Variants in OLFM1 observed in about 807,000 individuals in gnomAD.
OLFM1 encodes the protein noelin.
OLFM1 carries 9 observed loss-of-function variants against 49.7 expected under a neutral mutation model. The ratio of observed to expected loss-of-function variants is 0.18; its 90% CI spans 0.11 to 0.32. The LOEUF (loss-of-function observed/expected upper bound fraction) is 0.32, where lower values mean the gene tolerates loss of function less well. OLFM1 is among the 10% of genes least tolerant of loss of function. The pLI is 1.00. For missense variants in OLFM1, 369 were observed against 661.8 expected (o/e 0.56, Z 4.85); for synonymous variants, 240 against 271.8 (o/e 0.88, Z 1.15).
upstream of OLFM1, among the ~76,000 whole-genome samples, chr9:135,083,093 C>T (rs1830552462): frequency 6.6e-6 from 1 of 152,228 alleles, no homozygotes; most frequent in Non-Finnish European, 1.5e-5. Flanking sequence ...ACTGATTCCA[C>T]AGAAACCGGG....
At chr9:135,082,918 G>T (rs78658470), upstream of OLFM1, among the ~76,000 whole-genome samples, 341 of 152,292 alleles carry the variant, frequency 2.2e-3, 13 homozygotes, top group South Asian at 0.047. Flanking sequence ...GCCGGGTGTC[G>T]TCTGGATGCA....
chr9:135,076,281 T>C, intron 1 of OLFM1: 1 of 1,550,118 alleles, frequency 6.5e-7, no homozygotes, highest in East Asian at 2.4e-5. Context: ...AAACAGGCGG[T>C]GGGGATTGTG....
intron 4 of OLFM1, among the ~76,000 whole-genome samples, chr9:135,103,056 TG>T (rs1830892321): frequency 6.6e-6 from 1 of 152,234 alleles, no homozygotes; most frequent in Non-Finnish European, 1.5e-5. Context: ...TGAGCCCGTC[TG>T]GGGCCGTCGG....
At chr9:135,089,002 G>A (rs549665095) in intron 1 of OLFM1, among the ~76,000 whole-genome samples, 1 of 152,324 alleles carries the variant, frequency 6.6e-6, no homozygotes, top group South Asian at 2.1e-4. Context: ...TGCCGGGAAG[G>A]CGCGCCCCAG....
chr9:135,089,518 C>T (rs764274276), intron 1 of OLFM1, among the ~76,000 whole-genome samples: 5 of 152,184 alleles, frequency 3.3e-5, no homozygotes, highest in Admixed American at 6.5e-5. Context: ...GACCCCTGCA[C>T]AGCATGTCAC....
intron 1 of OLFM1, among the ~76,000 whole-genome samples, chr9:135,079,951 C>T (rs1364191675): frequency 6.6e-6 from 1 of 152,002 alleles, no homozygotes; most frequent in Admixed American, 6.6e-5. Flanking sequence ...GTTTGCCAGT[C>T]TAGGTGCCTG....
At chr9:135,108,146 G>T (rs922347189) in intron 5 of OLFM1, among the ~76,000 whole-genome samples, 3 of 152,206 alleles carry the variant, frequency 2.0e-5, no homozygotes, top group Non-Finnish European at 4.4e-5. Context: ...TTTCTGTCCT[G>T]TTTTCTAAAT....
At chr9:135,076,326 C>T (rs1830465718) in intron 1 of OLFM1, 14 of 1,549,652 alleles carry the variant, frequency 9.0e-6, no homozygotes, top group Non-Finnish European at 1.2e-5. Context: ...AGCGTGCCGG[C>T]CAGCTGTGTG....
In OLFM1 at chr9:135,098,269, T is replaced by C. The variant is rs1414635941; in HGVS notation, c.457-17T>C. On this transcript the variant is annotated splice_polypyrimidine_tract_variant and intron_variant, in intron 3 of 5. Coordinates refer to ENST00000371793, the MANE Select transcript of OLFM1 (RefSeq NM_001282611.2). This position sits in a 1 kb window ranked among gnomAD's most constrained non-coding sequence, Gnocchi z 5.6. The stretch of plus-strand genomic sequence containing the variant: ...CTTGCATGCATCGCACTGAACCAGC[T>C]TATTTTAACCTTGCAGGCGATAAAA... 3 of 1,612,708 alleles carry C rather than the reference T, an allele frequency of 1.9e-6. No homozygotes were observed. In the South Asian group the frequency reaches 3.3e-5, roughly 18 times the overall value.
intron 1 of OLFM1, chr9:135,077,496 C>A: frequency 2.6e-6 from 1 of 381,332 alleles, no homozygotes; most frequent in Non-Finnish European, 4.6e-6. Flanking sequence ...TTTGTCCATC[C>A]ACACGAAGGG....
Position 135,098,003 on chromosome 9 carries a change from A to AT in OLFM1, c.457-277dup. ...GAATAGTTTGAACCCTTGTCAATGCATTTTTTGAAAAAGAAAGAAAAAAAA... is the reference window on the plus strand; with the variant it reads ...GAATAGTTTGAACCCTTGTCAATGCATTTTTTTGAAAAAGAAAGAAAAAAAA... On this transcript the variant is annotated intron_variant, in intron 3 of 5. Coordinates refer to ENST00000371793, the MANE Select transcript of OLFM1 (RefSeq NM_001282611.2). The surrounding 1 kb of genome is among the most constrained non-coding windows in gnomAD (Gnocchi z 5.6). 2.1e-6 allele frequency: 3 copies of AT among 1,416,700 alleles called. No homozygotes were observed. Among genetic ancestry groups the AT allele is most frequent in the East Asian group, 5.1e-5 (2 of 39,380 alleles). 87.8% of individuals were successfully genotyped at this position (1,416,700 alleles called of 1,614,324 possible).
rs529551554 is a variant in OLFM1, at chr9:135,095,880, A to T, written c.317A>T (p.Gln106Leu). The change falls in exon 3 of 6, where the codon CAA becomes CTA. Residue 106 changes from glutamine to leucine, a missense_variant. Around this residue, in one of 3 missense-constraint regions of OLFM1, gnomAD observed 294 missense variants for 567.5 expected, o/e 0.52. Coordinates refer to ENST00000371793, the MANE Select transcript of OLFM1 (RefSeq NM_001282611.2). ...QLLEKVQNMS[Q>L]SIEVLDRRTQ... is the part of the protein sequence containing the mutation. ...TTTTGACAGGTGCAGAACATGTCTC[A>T]ATCCATAGAGGTCTTGGACAGGCGG... is the stretch of plus-strand genomic sequence containing the variant. 6.2e-7 allele frequency: 1 copy of T among 1,613,044 alleles called. No homozygotes were observed. The highest frequency in any genetic ancestry group is 1.1e-5 in the South Asian group (1 of 91,056).
At chr9:135,081,999 T>C (rs1365691220) in intron 1 of OLFM1, among the ~76,000 whole-genome samples, 1 of 152,140 alleles carries the variant, frequency 6.6e-6, no homozygotes, top group East Asian at 1.9e-4. Context: ...CTGGAGAAGG[T>C]TTCCTGTCCC....
At chr9:135,115,100 C>G (rs1223417542) in intron 5 of OLFM1, among the ~76,000 whole-genome samples, 1 of 152,196 alleles carries the variant, frequency 6.6e-6, no homozygotes, top group Non-Finnish European at 1.5e-5. Flanking sequence ...TCCTCAAGAC[C>G]GCTAGGGCCA....
chr9:135,117,004 G>C lies in OLFM1; in HGVS notation c.784-2500G>C, dbSNP rs140076697. 6.6e-6 allele frequency among the ~76,000 whole-genome samples: 1 copy of C among 152,100 alleles called. No individual in the cohort carries two copies. Among genetic ancestry groups the C allele is most frequent in the Non-Finnish European group, 1.5e-5 (1 of 68,010 alleles). On this transcript the variant is annotated intron_variant, in intron 5 of 5. Coordinates refer to ENST00000371793, the MANE Select transcript of OLFM1 (RefSeq NM_001282611.2). This position sits in a 1 kb window ranked among gnomAD's most constrained non-coding sequence, Gnocchi z 5.5. Reference sequence around the variant, plus strand: ...CGCGTGTGTAATGCCAAGTCTGAAAGCTCCCTCATCCTTAGTCTCCTGCAG... The same window carrying C: ...CGCGTGTGTAATGCCAAGTCTGAAACCTCCCTCATCCTTAGTCTCCTGCAG...
intron 1 of OLFM1, chr9:135,075,852 C>A: frequency 1.3e-6 from 2 of 1,525,572 alleles, no homozygotes; most frequent in Non-Finnish European, 1.8e-6. Context: ...CCGGCCCGGC[C>A]CCTCGGGAGC....
At chr9:135,087,401 C>G, upstream of OLFM1, 1 of 1,546,164 alleles carries the variant, frequency 6.5e-7, no homozygotes, top group Non-Finnish European at 8.7e-7. Context: ...ACGGGAGGGC[C>G]GCGGGCCGTG....
chr9:135,106,960 A>G (rs9969691), intron 5 of OLFM1, 105 bp downstream of exon 5: 114,578 of 898,838 alleles, frequency 0.13, 8,264 homozygotes, highest in African/African-American at 0.18. Context: ...TCCAGGGCCT[A>G]TGGACTGGGC....
At position 135,098,414 on chromosome 9, in the gene OLFM1, G is replaced by C. The variant is rs1830827958; in HGVS notation, c.585G>C (p.Leu195=). ...ATCTGACGTCAGTGCTTAACGAGCT[G>C]CAAGAGGAAATTGGCGCCTATGACT... The part of the protein sequence containing the change: ...VQNLTSVLNE[L]QEEIGAYDYD... Residue 195 remains leucine (L), a synonymous_variant, in exon 4 of 6, where the codon CTG becomes CTC. Transcript: ENST00000371793. This position sits in a 1 kb window ranked among gnomAD's most constrained non-coding sequence, Gnocchi z 5.6. The C allele has an allele frequency of 6.2e-7, 1 of 1,613,844 alleles. No individual in the cohort carries two copies. The highest frequency in any genetic ancestry group is 8.5e-7 in the Non-Finnish European group (1 of 1,180,048).
Sources: gnomAD v4.1 joint callset for allele counts (sites outside exome capture counted in the v4.1 genomes callset) on GRCh38, gnomAD v4.1.1 for gene constraint, gnomAD v4.1.1 regional missense constraint, Gnocchi (gnomAD v3.1) non-coding constraint, MANE v1.5 for transcripts, NCBI Gene and HGNC (gene_info 2026-07-23, HGNC 2026-07-21) for gene names.